The following CNTLN variants were observed in gnomAD, a reference collection of about 807,000 sequenced individuals.
The protein encoded by CNTLN is centlein, also known as centlein, centrosomal protein.
A neutral mutation model predicts 180.0 loss-of-function variants in CNTLN; 212 were observed. That is an observed-to-expected ratio of 1.18 (90% CI 1.05 to 1.32). The LOEUF (loss-of-function observed/expected upper bound fraction) is 1.32. Ranked by LOEUF, CNTLN falls within the 40% of genes most tolerant of loss-of-function variation. The pLI, the probability that CNTLN is intolerant of heterozygous loss-of-function variation, is 0.00. For missense variants in CNTLN, 2,095 were observed against 1,610.9 expected (o/e 1.30, Z -5.14); for synonymous variants, 722 against 563.1 (o/e 1.28, Z -3.99).
At chr9:17,233,347 T>A (rs1296741537) in intron 3 of CNTLN, among the ~76,000 whole-genome samples, 2 of 152,142 alleles carry the variant, frequency 1.3e-5, no homozygotes, top group Non-Finnish European at 2.9e-5. Flanking sequence ...TTAAACATGA[T>A]AAAAATTTAG....
chr9:17,178,626 A>G (rs1465241322), intron 2 of CNTLN, among the ~76,000 whole-genome samples: 3 of 151,310 alleles, frequency 2.0e-5, no homozygotes, highest in African/African-American at 7.4e-5. Flanking sequence ...CTGCTGGCCC[A>G]GGTGCTAAGC....
intron 2 of CNTLN, among the ~76,000 whole-genome samples, chr9:17,188,500 A>G (rs998941288): frequency 6.6e-6 from 1 of 152,196 alleles, no homozygotes; most frequent in African/African-American, 2.4e-5. Context: ...CTAGTGATCC[A>G]AATGAATATA....
chr9:17,298,820 T>C, intron 7 of CNTLN: 1 of 986,230 alleles, frequency 1.0e-6, no homozygotes, highest in Non-Finnish European at 1.2e-6. Context: ...TTTCTCTGTT[T>C]ATTTTGTGTG....
At chr9:17,190,445 A>G (rs1014843048) in intron 2 of CNTLN, among the ~76,000 whole-genome samples, 24 of 152,038 alleles carry the variant, frequency 1.6e-4, no homozygotes, top group African/African-American at 5.8e-4. Context: ...TGTACCATGA[A>G]AGGATTTTTT....
intron 12 of CNTLN, among the ~76,000 whole-genome samples, chr9:17,351,223 G>A (rs548377133): frequency 3.3e-5 from 5 of 152,230 alleles, no homozygotes; most frequent in East Asian, 1.9e-4. Context: ...TACTGTTGCA[G>A]TATTTTTGAA....
intron 2 of CNTLN, among the ~76,000 whole-genome samples, chr9:17,210,719 G>C (rs1055475119): frequency 6.6e-6 from 1 of 152,154 alleles, no homozygotes; most frequent in Non-Finnish European, 1.5e-5. Context: ...AGCACCTGTT[G>C]TTTCCTGACT....
intron 2 of CNTLN, among the ~76,000 whole-genome samples, chr9:17,186,435 A>G (rs928262479): frequency 9.8e-5 from 15 of 152,316 alleles, no homozygotes; most frequent in African/African-American, 3.4e-4. Context: ...GATTTTCTCA[A>G]TTGAGGACAT....
chr9:17,318,222 G>T (rs145521611), intron 8 of CNTLN, among the ~76,000 whole-genome samples: 1,894 of 151,842 alleles, frequency 0.012, 36 homozygotes, highest in African/African-American at 0.035. Flanking sequence ...GTAGAGATGG[G>T]GTTTCACCGT....
intron 2 of CNTLN, among the ~76,000 whole-genome samples, chr9:17,164,045 C>T (rs942372199): frequency 2.0e-5 from 3 of 150,856 alleles, no homozygotes; most frequent in Admixed American, 6.6e-5. Flanking sequence ...GAAGCAGTGG[C>T]TCACCCCTGT....
chr9:17,364,732 C>T (rs1823670171), intron 12 of CNTLN, among the ~76,000 whole-genome samples: 1 of 152,148 alleles, frequency 6.6e-6, no homozygotes, highest in Non-Finnish European at 1.5e-5. Flanking sequence ...TTCTCCCATA[C>T]ATTTTCTTAG....
intron 14 of CNTLN, among the ~76,000 whole-genome samples, chr9:17,388,775 A>G (rs552442958): frequency 1.3e-5 from 2 of 151,850 alleles, no homozygotes; most frequent in Admixed American, 6.6e-5. Flanking sequence ...TTTTAATAAG[A>G]TCATCCATGT....
intron 18 of CNTLN, among the ~76,000 whole-genome samples, chr9:17,441,332 GA>G (rs1830095326): frequency 6.6e-6 from 1 of 152,044 alleles, no homozygotes; most frequent in Non-Finnish European, 1.5e-5. Flanking sequence ...TTCTGGCATA[GA>G]AATTACAATA....
intron 5 of CNTLN, among the ~76,000 whole-genome samples, chr9:17,240,493 T>C (rs1825415941): frequency 6.6e-6 from 1 of 152,222 alleles, no homozygotes; most frequent in Non-Finnish European, 1.5e-5. Flanking sequence ...TGGTATAGTG[T>C]TAAATAGAGA....
At chr9:17,476,559 C>T (rs981451287) in intron 23 of CNTLN, among the ~76,000 whole-genome samples, 2 of 152,174 alleles carry the variant, frequency 1.3e-5, no homozygotes, top group African/African-American at 2.4e-5. Context: ...TTCATGAATA[C>T]ACAAATGATA....
intron 2 of CNTLN, among the ~76,000 whole-genome samples, chr9:17,199,305 G>A (rs1448645390): frequency 1.4e-5 from 2 of 144,302 alleles, no homozygotes; most frequent in African/African-American, 5.1e-5. Context: ...TCTGCCTCCC[G>A]GGTTCAAGCA....
chr9:17,385,507 G>C (rs571173884), intron 13 of CNTLN, among the ~76,000 whole-genome samples: 1 of 152,188 alleles, frequency 6.6e-6, no homozygotes, highest in African/African-American at 2.4e-5. Flanking sequence ...GTTATGCTTT[G>C]CTTGTAATAA....
rs554469182 is a variant in CNTLN, at chr9:17,462,475, C to G, written c.3307-441C>G. ...TCGACAAAGCAAGTCACAAGCCAGA[C>G]TACGTTCAGTGGGTTAGGAAATGGA... is the stretch of plus-strand genomic sequence containing the variant. On this transcript the variant is annotated intron_variant, in intron 19 of 25. Transcript: ENST00000380647. Among the ~76,000 whole-genome samples the G allele has an allele frequency of 2.1e-3, 317 of 151,896 alleles. 3 individuals carry two copies. The highest frequency in any genetic ancestry group is 6.3e-3 in the African/African-American group (262 of 41,530).
At chr9:17,150,450 C>T (rs969461351) in intron 2 of CNTLN, among the ~76,000 whole-genome samples, 3 of 152,150 alleles carry the variant, frequency 2.0e-5, no homozygotes, top group Non-Finnish European at 2.9e-5. Flanking sequence ...TGTCAAAGAT[C>T]AGATGGTTGT....
intron 23 of CNTLN, among the ~76,000 whole-genome samples, chr9:17,477,732 G>A (rs1832427155): frequency 6.6e-6 from 1 of 152,228 alleles, no homozygotes. Flanking sequence ...GACGAGTAGA[G>A]AAAGCGGTTT....
Sources: allele counts gnomAD v4.1 joint callset (sites outside exome capture counted in the v4.1 genomes callset), GRCh38; gene constraint gnomAD v4.1.1; transcripts MANE v1.5; gene names NCBI Gene and HGNC (gene_info 2026-07-23, HGNC 2026-07-21).